Variants in B3GALT1 observed in about 807,000 individuals in gnomAD.
B3GALT1 encodes the protein UDP-Gal:betaGlcNAc beta 1,3-galactosyltransferase, polypeptide 1.
B3GALT1 carries 10 observed loss-of-function variants against 23.2 expected under a neutral mutation model. That is an observed-to-expected ratio of 0.43 (90% CI 0.27 to 0.73). The LOEUF is 0.73. B3GALT1 is among the 30% of genes least tolerant of loss of function. B3GALT1 has a pLI of 0.21. For missense variants in B3GALT1, 299 were observed against 405.4 expected, an observed-to-expected ratio of 0.74 and a Z score of 2.25; for synonymous variants, 156 against 141.5, an observed-to-expected ratio of 1.10 and a Z score of -0.73.
chr2:167,461,391 A>T (rs1225792154), intron 1 of B3GALT1, among the ~76,000 whole-genome samples: 1 of 152,158 alleles, frequency 6.6e-6, no homozygotes, highest in Non-Finnish European at 1.5e-5. Flanking sequence ...TAGCAGACAG[A>T]TTCTGCCAGT....
rs368027106 is a variant in B3GALT1 at position 167,509,242 on chromosome 2, C to T, written c.-410+18965C>T. On this transcript the variant is annotated intron_variant, in intron 2 of 4. Coordinates refer to ENST00000392690, the MANE Select transcript of B3GALT1 (RefSeq NM_020981.4). ...ATTAATTTAAAATAAAGTAAAATGG[C>T]TAATAGACATATAACAAAATTGACC... is the stretch of plus-strand genomic sequence containing the variant. Among the ~76,000 whole-genome samples the T allele has an allele frequency of 2.5e-4, 38 of 152,186 alleles. 1 individual carries two copies. The South Asian group carries it at 7.7e-3, about 31-fold the overall frequency.
intron 2 of B3GALT1, among the ~76,000 whole-genome samples, chr2:167,585,434 T>C (rs1041936264): frequency 6.6e-6 from 1 of 152,100 alleles, no homozygotes; most frequent in Non-Finnish European, 1.5e-5. Context: ...ACAATAAACA[T>C]ACAAGAAGAT....
At chr2:167,653,644 T>C (rs189903748) in intron 3 of B3GALT1, among the ~76,000 whole-genome samples, 1 of 152,308 alleles carries the variant, frequency 6.6e-6, no homozygotes, top group African/African-American at 2.4e-5. Flanking sequence ...TTACAGGAGA[T>C]GTTGCAGGCT....
chr2:167,569,832 T>G (rs1684257600), intron 2 of B3GALT1, among the ~76,000 whole-genome samples: 1 of 151,916 alleles, frequency 6.6e-6, no homozygotes, highest in African/African-American at 2.4e-5. Flanking sequence ...GAGGAAGTTC[T>G]CATCTATTAC....
chr2:167,406,580 G>A (rs183638106), intron 1 of B3GALT1, among the ~76,000 whole-genome samples: 108 of 152,216 alleles, frequency 7.1e-4, no homozygotes, highest in Middle Eastern at 3.4e-3. Context: ...ATGGTCAGCC[G>A]GCTTCCCCAC....
chr2:167,529,039 A>G (rs2105366472), intron 2 of B3GALT1, among the ~76,000 whole-genome samples: 1 of 152,174 alleles, frequency 6.6e-6, no homozygotes, highest in Middle Eastern at 3.4e-3. Context: ...GCTTCAGTTG[A>G]CATTGCAGTC....
At chr2:167,607,126 A>T (rs945084840) in intron 2 of B3GALT1, among the ~76,000 whole-genome samples, 1 of 152,144 alleles carries the variant, frequency 6.6e-6, no homozygotes, top group Non-Finnish European at 1.5e-5. Flanking sequence ...CAAGAAGAAA[A>T]CAGATTATTT....
intron 1 of B3GALT1, among the ~76,000 whole-genome samples, chr2:167,332,268 T>C (rs1696984902): frequency 6.6e-6 from 1 of 152,192 alleles, no homozygotes; most frequent in African/African-American, 2.4e-5. Context: ...TCCTGGCCGA[T>C]TCTGAGGCTT....
intron 1 of B3GALT1, among the ~76,000 whole-genome samples, chr2:167,470,546 A>T (rs73022085): frequency 0.049 from 7,522 of 152,160 alleles, 614 homozygotes; most frequent in African/African-American, 0.17. Context: ...GTAGTCCTGT[A>T]TGTTTTTTTC....
intron 2 of B3GALT1, among the ~76,000 whole-genome samples, chr2:167,628,854 G>T (rs181702927): frequency 6.8e-4 from 103 of 151,766 alleles, no homozygotes; most frequent in Non-Finnish European, 3.4e-4. Context: ...GAGTGAGGTG[G>T]TGATATGTCA....
chr2:167,435,431 T>A (rs1698767206), intron 1 of B3GALT1, among the ~76,000 whole-genome samples: 1 of 40,998 alleles, frequency 2.4e-5, no homozygotes, highest in Non-Finnish European at 4.8e-5. Context: ...AACATATGCT[T>A]GCAAAAAAAA....
chr2:167,331,097 G>T (rs571418002), intron 1 of B3GALT1, among the ~76,000 whole-genome samples: 28 of 151,932 alleles, frequency 1.8e-4, no homozygotes, highest in African/African-American at 6.3e-4. Flanking sequence ...GATTTTTTTT[G>T]GGGGGGTATG....
intron 3 of B3GALT1, among the ~76,000 whole-genome samples, chr2:167,799,989 GT>G (rs1688610395): frequency 6.6e-6 from 1 of 151,904 alleles, no homozygotes. Flanking sequence ...TATACACATA[GT>G]TTCTCTTCGC....
intron 1 of B3GALT1, among the ~76,000 whole-genome samples, chr2:167,386,094 G>A (rs1301421670): frequency 6.6e-6 from 1 of 152,154 alleles, no homozygotes; most frequent in African/African-American, 2.4e-5. Flanking sequence ...AAGCCTTTAA[G>A]TGGCTTTTGC....
chr2:167,659,154 A>G (rs1686012683), intron 3 of B3GALT1, among the ~76,000 whole-genome samples: 1 of 152,156 alleles, frequency 6.6e-6, no homozygotes, highest in South Asian at 2.1e-4. Flanking sequence ...AGATATAAAC[A>G]AGATATAGAT....
At chr2:167,847,926 G>A (rs1031520450) in intron 4 of B3GALT1, among the ~76,000 whole-genome samples, 3 of 151,736 alleles carry the variant, frequency 2.0e-5, no homozygotes, top group African/African-American at 7.3e-5. Context: ...TGACACCACC[G>A]AAATACAAAA....
chr2:167,421,139 T>A (rs1698541410), intron 1 of B3GALT1, among the ~76,000 whole-genome samples: 1 of 152,232 alleles, frequency 6.6e-6, no homozygotes, highest in African/African-American at 2.4e-5. Flanking sequence ...TTTCACTGTC[T>A]GTTGTGGTAA....
At chr2:167,357,188 A>C (rs957568661) in intron 1 of B3GALT1, among the ~76,000 whole-genome samples, 5 of 152,040 alleles carry the variant, frequency 3.3e-5, no homozygotes, top group African/African-American at 1.2e-4. Context: ...TTTTAGGTAT[A>C]TATTTTTAGT....
At chr2:167,610,917 AAAAAAAAAAAG>A (rs1468463274) in intron 2 of B3GALT1, among the ~76,000 whole-genome samples, 1 of 150,114 alleles carries the variant, frequency 6.7e-6, no homozygotes, top group Non-Finnish European at 1.5e-5. Flanking sequence ...GTACAAAAAA[AAAAAAAAAAAG>A]AGAGAGAGAG....
Sources: gnomAD v4.1 joint callset for allele counts (sites outside exome capture counted in the v4.1 genomes callset) on GRCh38, gnomAD v4.1.1 for gene constraint, MANE v1.5 for transcripts, NCBI Gene and HGNC (gene_info 2026-07-23, HGNC 2026-07-21) for gene names.